The following OPCML variants were observed in gnomAD, a reference collection of about 807,000 sequenced individuals.
OPCML encodes the protein opioid-binding protein/cell adhesion molecule.
In OPCML, 13 loss-of-function variants were observed where a neutral mutation model predicts 37.8. The ratio of observed to expected loss-of-function variants is 0.34; its 90% CI spans 0.22 to 0.55. OPCML has a LOEUF of 0.55. Ranked by LOEUF, OPCML falls within the 20% of genes least tolerant of loss-of-function variation. OPCML has a pLI of 0.91. For missense variants in OPCML, 341 were observed against 435.6 expected, an observed-to-expected ratio of 0.78 and a Z score of 1.93; for synonymous variants, 176 against 168.8, an observed-to-expected ratio of 1.04 and a Z score of -0.33.
intron 7 of OPCML, chr11:132,420,521 G>A (rs1030885992): frequency 5.6e-5 from 23 of 408,654 alleles, no homozygotes; most frequent in African/African-American, 4.8e-4. Flanking sequence ...TGCTTAAAAA[G>A]TAAATAGGTG....
chr11:132,774,140 A>G (rs1005729711), intron 2 of OPCML, among the ~76,000 whole-genome samples: 1 of 152,112 alleles, frequency 6.6e-6, no homozygotes, highest in African/African-American at 2.4e-5. Flanking sequence ...ACTGTACTCT[A>G]TGTGTTAAGC....
chr11:132,656,966 T>G, intron 3 of OPCML, 121 bp downstream of exon 3: 1 of 1,477,346 alleles, frequency 6.8e-7, no homozygotes, highest in South Asian at 1.4e-5. Flanking sequence ...ATAGTCAAAC[T>G]CTGAATTCAG....
intron 1 of OPCML, among the ~76,000 whole-genome samples, chr11:133,310,225 A>G (rs76713244): frequency 0.049 from 7,395 of 152,246 alleles, 204 homozygotes; most frequent in Middle Eastern, 0.071. Context: ...GATACAACTT[A>G]GTATTTGCCT....
rs1565469405 is a variant in OPCML at position 133,141,101 on chromosome 11, AAGAAGC to A, written c.62-198097_62-198092del. 1.1e-3 allele frequency among the ~76,000 whole-genome samples: 160 copies of A among 139,792 alleles called. 34 individuals are homozygous for A. The highest frequency in any genetic ancestry group is 4.0e-3 in the African/African-American group (154 of 38,966). 91.7% of individuals were successfully genotyped at this position (139,792 alleles called of 152,430 possible). A position where few individuals can be genotyped will look rare whatever the true frequency, so the allele number is the denominator to read the frequency against. On this transcript the variant is annotated intron_variant, in intron 1 of 7. Coordinates refer to ENST00000524381, the MANE Select transcript of OPCML (RefSeq NM_001012393.5). ...GAAGAAGAAGAAGAAGAAGGAGAAG[AAGAAGC>A]AGCTGAATGCCAAAGTGTGTGGACT...
At chr11:133,421,893 A>C (rs1945894528) in intron 1 of OPCML, 1 of 540,486 alleles carries the variant, frequency 1.9e-6, no homozygotes, top group African/African-American at 2.1e-5. Flanking sequence ...AGAAACAATA[A>C]TTATTGTCAG....
At chr11:133,458,307 CACATATATACACGTGTGTGTATATATAT>C (rs1565644922) in intron 1 of OPCML, among the ~76,000 whole-genome samples, 4 of 33,758 alleles carry the variant, frequency 1.2e-4, no homozygotes, top group Admixed American at 5.9e-4. Context: ...TATATATATA[CACATATATACACGTGTGTGTATATATAT>C]ACACATATAT....
chr11:133,003,901 G>A lies in OPCML; in HGVS notation c.62-60891C>T, dbSNP rs906609411. ...CCTTTTGACAGTTGTCAGGATCCCC[G>A]CCAATCCCGGTGGGGCTTCTGGTCA... is the stretch of plus-strand genomic sequence containing the variant. On this transcript the variant is annotated intron_variant, in intron 1 of 7. Transcript: ENST00000524381. 25 of 985,218 alleles carry A rather than the reference G, an allele frequency of 2.5e-5. No individual in the cohort carries two copies. In the African/African-American group the frequency reaches 3.0e-4, roughly 12 times the overall value. The allele number at this position is 985,218 out of a possible 1,614,324, so 61.0% of individuals were successfully genotyped here. A position where few individuals can be genotyped will look rare whatever the true frequency, so the allele number is the denominator to read the frequency against.
chr11:132,829,470 A>G (rs760636926), intron 2 of OPCML, among the ~76,000 whole-genome samples: 3 of 152,198 alleles, frequency 2.0e-5, no homozygotes, highest in Non-Finnish European at 4.4e-5. Flanking sequence ...AGTACAAAGC[A>G]CAAGACTGAA....
intron 7 of OPCML, among the ~76,000 whole-genome samples, chr11:132,430,151 G>A (rs1363013562): frequency 1.3e-5 from 2 of 152,196 alleles, no homozygotes; most frequent in Non-Finnish European, 2.9e-5. Context: ...GGAAGAAAAG[G>A]CACGGGTGAG....
chr11:132,942,065 A>G (rs1449831871), intron 2 of OPCML, among the ~76,000 whole-genome samples: 1 of 152,176 alleles, frequency 6.6e-6, no homozygotes, highest in Non-Finnish European at 1.5e-5. Context: ...TTAAGCTGGG[A>G]CGTCCCTGAA....
chr11:133,037,092 A>G (rs1471481173), intron 1 of OPCML, among the ~76,000 whole-genome samples: 1 of 152,150 alleles, frequency 6.6e-6, no homozygotes, highest in Non-Finnish European at 1.5e-5. Context: ...CAGGCTATCC[A>G]GTCCCCTAGA....
At chr11:132,693,837 A>C (rs2135897863) in intron 2 of OPCML, among the ~76,000 whole-genome samples, 1 of 152,318 alleles carries the variant, frequency 6.6e-6, no homozygotes, top group Non-Finnish European at 1.5e-5. Context: ...GAAATAATCA[A>C]GGGCCACCAC....
intron 7 of OPCML, 81 bp from the exon 8 acceptor site, chr11:132,420,374 A>G: frequency 8.4e-6 from 13 of 1,556,060 alleles, no homozygotes; most frequent in East Asian, 2.3e-5. Context: ...AAATACACAT[A>G]CATGCTTCCC....
intron 7 of OPCML, among the ~76,000 whole-genome samples, chr11:132,432,167 T>C (rs2095999269): frequency 6.6e-6 from 1 of 152,172 alleles, no homozygotes; most frequent in Non-Finnish European, 1.5e-5. Context: ...CTGCCTAACC[T>C]CTCAATTTCC....
chr11:132,878,713 G>GTCTA (rs56069800), intron 2 of OPCML, among the ~76,000 whole-genome samples: 16,306 of 151,628 alleles, frequency 0.11, 1,089 homozygotes, highest in Non-Finnish European at 0.16. Flanking sequence ...GTGTCTATCT[G>GTCTA]TCTATCTATC....
chr11:132,497,410 G>C (rs796333706), intron 4 of OPCML, among the ~76,000 whole-genome samples: 1 of 117,918 alleles, frequency 8.5e-6, no homozygotes, highest in Non-Finnish European at 1.7e-5. Flanking sequence ...TAAAATAAAA[G>C]CTGAACAAAA....
At chr11:133,446,845 T>C (rs1946484041) in intron 1 of OPCML, among the ~76,000 whole-genome samples, 1 of 152,240 alleles carries the variant, frequency 6.6e-6, no homozygotes, top group Non-Finnish European at 1.5e-5. Context: ...TTTTCAAGAT[T>C]CATTCATGCT....
rs577546377 is a variant in OPCML at position 133,348,840 on chromosome 11, C to T, written c.61+183424G>A. Among the ~76,000 whole-genome samples, 36 of 152,238 alleles carry T rather than the reference C, an allele frequency of 2.4e-4. 1 individual carries two copies. The highest frequency in any genetic ancestry group is 8.7e-4 in the African/African-American group (36 of 41,540). On this transcript the variant is annotated intron_variant, in intron 1 of 7. Coordinates refer to ENST00000524381, the MANE Select transcript of OPCML (RefSeq NM_001012393.5). ...TTATACCGTAATTATGAAGCCCCTACCATGAGCAGTATGTAAAGATCAGGA... is the reference window on the plus strand; with the variant it reads ...TTATACCGTAATTATGAAGCCCCTATCATGAGCAGTATGTAAAGATCAGGA...
chr11:132,847,825 G>C (rs1346558320), intron 2 of OPCML, among the ~76,000 whole-genome samples: 3 of 152,064 alleles, frequency 2.0e-5, no homozygotes, highest in Non-Finnish European at 4.4e-5. Flanking sequence ...ATTTGTTAGA[G>C]CCACATTTGT....
Sources: allele counts gnomAD v4.1 joint callset (sites outside exome capture counted in the v4.1 genomes callset), GRCh38; gene constraint gnomAD v4.1.1; transcripts MANE v1.5; gene names NCBI Gene and HGNC (gene_info 2026-07-23, HGNC 2026-07-21).